The following SNTG1 variants were observed in gnomAD, a reference collection of about 807,000 sequenced individuals.
The protein encoded by SNTG1 is syntrophin gamma 1.
A neutral mutation model predicts 74.7 loss-of-function variants in SNTG1; 39 were observed. The ratio of observed to expected loss-of-function variants is 0.52; its 90% CI spans 0.40 to 0.68. SNTG1 has a LOEUF of 0.68. SNTG1 is among the 30% of genes least tolerant of loss of function. SNTG1 has a pLI of 0.00. For synonymous variants in SNTG1, 254 were observed against 217.1 expected (o/e 1.17, Z -1.49); for missense variants, 685 against 609.5 (o/e 1.12, Z -1.30).
chr8:50,455,125 A>G (rs1165702260), intron 8 of SNTG1, among the ~76,000 whole-genome samples: 2 of 152,198 alleles, frequency 1.3e-5, no homozygotes, highest in Admixed American at 6.5e-5. Flanking sequence ...ATAATAGTAA[A>G]TAAGATTTAA....
intron 1 of SNTG1, among the ~76,000 whole-genome samples, chr8:50,039,256 C>A (rs375858086): frequency 6.6e-6 from 1 of 151,940 alleles, no homozygotes; most frequent in Non-Finnish European, 1.5e-5. Context: ...GAGATCGAGA[C>A]CATCCTGGCT....
chr8:50,544,828 A>G (rs776481859), intron 11 of SNTG1, among the ~76,000 whole-genome samples: 44 of 152,208 alleles, frequency 2.9e-4, no homozygotes, highest in Non-Finnish European at 5.0e-4. Flanking sequence ...ATTATGTTTG[A>G]TTCTTTCTCT....
chr8:50,271,990 A>G (rs1242281433), intron 2 of SNTG1, among the ~76,000 whole-genome samples: 2 of 152,246 alleles, frequency 1.3e-5, no homozygotes, highest in African/African-American at 2.4e-5. Context: ...AGGTGAGAGT[A>G]CAGCTAGAAG....
chr8:50,552,302 CTT>C (rs1442959002), intron 11 of SNTG1, among the ~76,000 whole-genome samples: 1 of 152,126 alleles, frequency 6.6e-6, no homozygotes, highest in Admixed American at 6.6e-5. Context: ...ATATGAAACA[CTT>C]TTAAATTCAA....
At chr8:50,451,517 A>T (rs2093457650) in intron 8 of SNTG1, among the ~76,000 whole-genome samples, 2 of 152,106 alleles carry the variant, frequency 1.3e-5, no homozygotes, top group Admixed American at 1.3e-4. Flanking sequence ...AGACAGAGAG[A>T]GAGAACCTTA....
chr8:50,199,264 C>T (rs2083895767), intron 2 of SNTG1, among the ~76,000 whole-genome samples: 2 of 147,820 alleles, frequency 1.4e-5, no homozygotes, highest in Admixed American at 1.4e-4. Flanking sequence ...GTTGCCCAGG[C>T]TACAGTGCAA....
chr8:50,256,528 G>T (rs1299057534), intron 2 of SNTG1, among the ~76,000 whole-genome samples: 1 of 151,904 alleles, frequency 6.6e-6, no homozygotes, highest in African/African-American at 2.4e-5. Context: ...TCAAAAATTT[G>T]CAGACTGGTA....
At chr8:50,772,629 C>T (rs1212652569) in intron 18 of SNTG1, among the ~76,000 whole-genome samples, 3 of 151,996 alleles carry the variant, frequency 2.0e-5, no homozygotes, top group Non-Finnish European at 4.4e-5. Context: ...GTAAGAAGAA[C>T]ATGAGTTTTA....
chr8:50,087,563 T>C (rs889430882), intron 1 of SNTG1, among the ~76,000 whole-genome samples: 18 of 152,268 alleles, frequency 1.2e-4, no homozygotes, highest in Non-Finnish European at 2.6e-4. Context: ...GGGAAAAATA[T>C]CCTTACATAG....
chr8:50,092,786 G>T (rs1390248339), intron 1 of SNTG1, among the ~76,000 whole-genome samples: 2 of 152,040 alleles, frequency 1.3e-5, no homozygotes, highest in African/African-American at 4.8e-5. Flanking sequence ...CTGACAAACA[G>T]TTTTAATATT....
chr8:50,273,591 A>G (rs2087908977), intron 2 of SNTG1, among the ~76,000 whole-genome samples: 1 of 152,210 alleles, frequency 6.6e-6, no homozygotes. Flanking sequence ...TATTGGAAGG[A>G]TTGGAAGCAC....
At chr8:50,366,039 C>T (rs1467932268) in intron 2 of SNTG1, among the ~76,000 whole-genome samples, 4 of 152,110 alleles carry the variant, frequency 2.6e-5, no homozygotes, top group African/African-American at 9.7e-5. Context: ...TTCTAACAAA[C>T]AATTTATCAC....
intron 15 of SNTG1, among the ~76,000 whole-genome samples, chr8:50,665,242 T>C (rs1369214669): frequency 1.3e-5 from 2 of 152,020 alleles, no homozygotes; most frequent in Non-Finnish European, 2.9e-5. Flanking sequence ...AAAGAGGGAT[T>C]GATCAACTAA....
chr8:50,089,428 C>T (rs1279798727), intron 1 of SNTG1, among the ~76,000 whole-genome samples: 2 of 150,284 alleles, frequency 1.3e-5, no homozygotes, highest in East Asian at 3.9e-4. Flanking sequence ...AACTAAAGAG[C>T]TTCTGCATAG....
At chr8:50,595,304 C>T (rs1327054805) in intron 13 of SNTG1, among the ~76,000 whole-genome samples, 1 of 151,698 alleles carries the variant, frequency 6.6e-6, no homozygotes, top group African/African-American at 2.4e-5. Context: ...GGAGAATCCA[C>T]CTCAAAAAAA....
Position 50,143,016 on chromosome 8 carries a change from A to G in SNTG1, c.-102-29545A>G, listed in dbSNP as rs750463203. Among the ~76,000 whole-genome samples, 37 of 152,002 alleles carry G rather than the reference A, an allele frequency of 2.4e-4. 1 individual carries two copies. Among genetic ancestry groups the G allele is most frequent in the Non-Finnish European group, 4.1e-4 (28 of 67,992 alleles). ...CTGAACCCAGGAGATGGATGTTGCA[A>G]TAAGTCGAGATCACTCCACTGCACT... On this transcript the variant is annotated intron_variant, in intron 1 of 18. Coordinates refer to ENST00000642720, the MANE Select transcript of SNTG1 (RefSeq NM_018967.5).
intron 2 of SNTG1, among the ~76,000 whole-genome samples, chr8:50,174,783 C>T (rs2082934740): frequency 6.6e-6 from 1 of 151,878 alleles, no homozygotes; most frequent in Admixed American, 6.6e-5. Flanking sequence ...CATATGTATA[C>T]ATGTGCCATG....
intron 5 of SNTG1, among the ~76,000 whole-genome samples, chr8:50,446,312 T>G (rs1005050904): frequency 1.3e-5 from 2 of 151,782 alleles, no homozygotes; most frequent in Non-Finnish European, 2.9e-5. Flanking sequence ...AATTCAGTAA[T>G]TACTGAAGTC....
chr8:50,680,866 T>C (rs952449214), intron 15 of SNTG1, among the ~76,000 whole-genome samples: 9 of 152,114 alleles, frequency 5.9e-5, no homozygotes, highest in Admixed American at 2.6e-4. Flanking sequence ...GTAAGCAGCC[T>C]TCCCATCTGC....
Sources: allele counts gnomAD v4.1 joint callset (sites outside exome capture counted in the v4.1 genomes callset), GRCh38; gene constraint gnomAD v4.1.1; transcripts MANE v1.5; gene names NCBI Gene and HGNC (gene_info 2026-07-23, HGNC 2026-07-21).